Variants in RBM44 observed in about 807,000 individuals in gnomAD.
The protein encoded by RBM44 is RNA binding motif protein 44, also known as RNA-binding protein 44.
RBM44 carries 66 observed loss-of-function variants against 105.1 expected under a neutral mutation model. The observed-to-expected ratio is 0.63, with a 90% confidence interval of 0.52 to 0.77. The LOEUF (loss-of-function observed/expected upper bound fraction) is 0.77, where lower values mean the gene tolerates loss of function less well. Among genes scored for constraint, RBM44 ranks in the 30% least tolerant of loss-of-function variants. The pLI is 0.00. For missense variants in RBM44, 1,122 were observed against 1,207.8 expected (o/e 0.93, Z 1.05); for synonymous variants, 365 against 417.6 (o/e 0.87, Z 1.54).
At position 237,823,526 on chromosome 2, in the gene RBM44, CT is replaced by C; in HGVS notation, c.2295del (p.Phe765LeufsTer4). On this transcript the variant is annotated frameshift_variant, in exon 9 of 16. Coordinates refer to ENST00000316997, the MANE Select transcript of RBM44 (RefSeq NM_001080504.3). LOFTEE classifies it high-confidence loss of function. Reference sequence around the variant, plus strand: ...TTAAAAATGGTGATATAAATGCAGACTTTAGTCAACTGAAACTTGGTGATAA... The same window carrying C: ...TTAAAAATGGTGATATAAATGCAGACTTAGTCAACTGAAACTTGGTGATAA... Reference protein sequence around the residue: ...DFKNGDINADFSQLKLGDKDC... With the variant: ...DFKNGDINADXSQLKLGDKDC... The C allele has an allele frequency of 1.3e-6, 2 of 1,515,604 alleles. No homozygotes were observed. Among genetic ancestry groups the C allele is most frequent in the Non-Finnish European group, 1.8e-6 (2 of 1,113,722 alleles). 93.9% of individuals were successfully genotyped at this position (1,515,604 alleles called of 1,614,324 possible). A position where few individuals can be genotyped will look rare whatever the true frequency, so the allele number is the denominator to read the frequency against.
intron 4 of RBM44, 51 bp from the exon 5 acceptor site, chr2:237,820,124 C>G: frequency 9.6e-7 from 1 of 1,041,622 alleles, no homozygotes; most frequent in Non-Finnish European, 1.3e-6. Context: ...CATGTTATTA[C>G]TATAGAAAAA....
At chr2:237,812,087 C>G (rs1448076378) in intron 1 of RBM44, among the ~76,000 whole-genome samples, 1 of 152,120 alleles carries the variant, frequency 6.6e-6, no homozygotes, top group African/African-American at 2.4e-5. Flanking sequence ...AACTCCTGAG[C>G]TCATGCAATC....
chr2:237,835,427 A>C (rs1220006580), intron 15 of RBM44, among the ~76,000 whole-genome samples: 1 of 152,230 alleles, frequency 6.6e-6, no homozygotes, highest in Non-Finnish European at 1.5e-5. Flanking sequence ...TCAAAAGCCA[A>C]GATAGGCTGA....
chr2:237,823,921 C>A (rs1449698706), intron 9 of RBM44, among the ~76,000 whole-genome samples: 1 of 152,026 alleles, frequency 6.6e-6, no homozygotes, highest in Admixed American at 6.6e-5. Context: ...AGGGCTGCAA[C>A]GCGGCTTAAT....
chr2:237,814,323 G>A (rs1448184864), intron 2 of RBM44, among the ~76,000 whole-genome samples: 1 of 152,126 alleles, frequency 6.6e-6, no homozygotes, highest in Non-Finnish European at 1.5e-5. Context: ...AGACGATTAA[G>A]AGGGTCATTT....
Position 237,818,285 on chromosome 2 carries a change from G to A in RBM44, c.1366G>A (p.Asp456Asn), listed in dbSNP as rs752842617. 6.2e-7 allele frequency: 1 copy of A among 1,613,362 alleles called. No homozygotes were observed. Among genetic ancestry groups the A allele is most frequent in the Admixed American group, 1.7e-5 (1 of 59,886 alleles). The change falls in exon 3 of 16, where the codon GAT (aspartate) becomes AAT (asparagine). Residue 456 changes from aspartate to asparagine, a missense_variant. Asp to Asn is a conservative substitution (Grantham distance 23). Around this residue, in one of 3 missense-constraint regions of RBM44, gnomAD observed 918 missense variants for 955.3 expected, o/e 0.96. Coordinates refer to ENST00000316997, the MANE Select transcript of RBM44 (RefSeq NM_001080504.3). The surrounding 1 kb of genome is among the most constrained non-coding windows in gnomAD (Gnocchi z 4.6). ...AGAAATGTGTACTAAATCATTGACA[G>A]ATGCAGCAAGTTGTACAGTCACAAT... ...IGEMCTKSLT[D>N]AASCTVTINQ...
intron 10 of RBM44, among the ~76,000 whole-genome samples, chr2:237,827,015 A>G (rs986139023): frequency 6.6e-6 from 1 of 152,172 alleles, no homozygotes; most frequent in African/African-American, 2.4e-5. Context: ...GCTACAAGAG[A>G]CTTAACTAAC....
chr2:237,833,629 A>G (rs1559922571), intron 13 of RBM44, among the ~76,000 whole-genome samples: 1 of 152,210 alleles, frequency 6.6e-6, no homozygotes, highest in Non-Finnish European at 1.5e-5. Context: ...TTAATGAATG[A>G]ATCTCTCTCC....
At position 237,821,082 on chromosome 2, in the gene RBM44, G is replaced by C. The variant is rs1173092286; in HGVS notation, c.1925G>C (p.Ser642Thr). 1 of 1,581,106 alleles carries C rather than the reference G, an allele frequency of 6.3e-7. No individual in the cohort carries two copies. Among genetic ancestry groups the C allele is most frequent in the Non-Finnish European group, 8.5e-7 (1 of 1,171,106 alleles). The change falls in exon 6 of 16, where the codon AGT becomes ACT. Residue 642 changes from serine to threonine, a missense_variant. Transcript: ENST00000316997. ...CAACTTTTGAACAGGAATTTATCAA[G>C]TAATTCTGCTAAGAAGGAATTGGGA... ...NREGLNMNLS[S>T]NSAKKELGSA...
intron 1 of RBM44, among the ~76,000 whole-genome samples, chr2:237,812,837 T>G (rs540133625): frequency 6.6e-6 from 1 of 152,308 alleles, no homozygotes; most frequent in Admixed American, 6.5e-5. Context: ...TAGCTTGGGC[T>G]GCTTCATGTG....
At chr2:237,824,204 G>A (rs1017125421) in intron 9 of RBM44, 87 bp from the exon 10 acceptor site, 65 of 1,279,950 alleles carry the variant, frequency 5.1e-5, no homozygotes, top group Admixed American at 4.9e-4. Context: ...AGTCATCATC[G>A]TACTGATTCA....
In RBM44 at chr2:237,818,641, GAC is replaced by G; in HGVS notation, c.1677+47_1677+48del. On this transcript the variant is annotated intron_variant, in intron 3 of 15. Transcript: ENST00000316997. The surrounding 1 kb of genome is among the most constrained non-coding windows in gnomAD (Gnocchi z 4.6). The stretch of plus-strand genomic sequence containing the variant: ...TAATAAAATTTGGACTTTATAAAGA[GAC>G]AGTGTATGCTAATGTAAGTGTTTTT... 7.7e-7 allele frequency: 1 copy of G among 1,297,154 alleles called. No individual in the cohort carries two copies. The highest frequency in any genetic ancestry group is 1.0e-6 in the Non-Finnish European group (1 of 961,716). 80.4% of individuals were successfully genotyped at this position (1,297,154 alleles called of 1,614,324 possible).
At position 237,820,326 on chromosome 2, in the gene RBM44, A is replaced by T. The variant is rs747483536; in HGVS notation, c.1888A>T (p.Met630Leu). 6.3e-7 allele frequency: 1 copy of T among 1,594,170 alleles called. No homozygotes were observed. Among genetic ancestry groups the T allele is most frequent in the Non-Finnish European group, 8.5e-7 (1 of 1,169,956 alleles). The change falls in exon 5 of 16, where the codon ATG (methionine) becomes TTG (leucine). Residue 630 changes from methionine (M) to leucine (L), a missense_variant. By Grantham distance (15) the Met-to-Leu change is conservative. Transcript: ENST00000316997. ...RHCCDIYKLV[M>L]ENREGLNMNL... ...TTGTTGTGATATTTACAAACTTGTC[A>T]TGGAAAATAGGGAAGGATTAAATAT...
rs924898757 is a variant in RBM44, at chr2:237,813,607, A to G, written c.-3A>G. 1.9e-6 allele frequency: 3 copies of G among 1,592,364 alleles called. No individual in the cohort carries two copies. In the African/African-American group the frequency reaches 4.0e-5, roughly 21 times the overall value. On this transcript the variant is annotated 5_prime_UTR_variant, in exon 2 of 16. It removes an upstream start codon present in the reference 5' UTR. Coordinates refer to ENST00000316997, the MANE Select transcript of RBM44 (RefSeq NM_001080504.3). ...CCTTTTCTAGATTATATATCTTTGA[A>G]TGATGCAGGCCACTGCAGTGGTGGA...
chr2:237,833,809 A>G (rs1244180210), intron 13 of RBM44, among the ~76,000 whole-genome samples, 188 bp from the exon 14 acceptor site: 2 of 152,298 alleles, frequency 1.3e-5, no homozygotes, highest in East Asian at 3.9e-4. Context: ...TATGTTTTGT[A>G]CTACATGGCC....
chr2:237,821,927 C>G (rs539600229), intron 8 of RBM44, 100 bp downstream of exon 8: 27 of 746,128 alleles, frequency 3.6e-5, no homozygotes, highest in African/African-American at 3.0e-4. Context: ...TCTTTTCACT[C>G]AACTGGCTTA....
chr2:237,821,198 C>T lies in RBM44; in HGVS notation c.2041C>T (p.Pro681Ser). ...IHKGIPLEEL[P>S]PLSLESKLLS... ...CAAAGGCATACCACTGGAAGAGCTGCCCCCACTGTCACTAGAATCAAAATT... is the reference window on the plus strand; with the variant it reads ...CAAAGGCATACCACTGGAAGAGCTGTCCCCACTGTCACTAGAATCAAAATT... The change falls in exon 6 of 16, where the codon CCC becomes TCC. Residue 681 changes from proline to serine, a missense_variant. Physicochemically the swap from Pro to Ser is moderately conservative, Grantham distance 74. This residue lies in a region of RBM44 where 918 missense variants were observed against 955.3 expected (regional missense o/e 0.96). Transcript: ENST00000316997. 3 of 1,610,118 alleles carry T rather than the reference C, an allele frequency of 1.9e-6. No homozygotes were observed. Among genetic ancestry groups the T allele is most frequent in the Non-Finnish European group, 1.7e-6 (2 of 1,178,084 alleles).
chr2:237,834,440 C>A lies in RBM44; in HGVS notation c.*22+17C>A, dbSNP rs374407016. 3.2e-4 allele frequency: 415 copies of A among 1,314,936 alleles called. No homozygotes were observed. The Middle Eastern group carries it at 4.8e-3, about 15-fold the overall frequency. The allele number at this position is 1,314,936 out of a possible 1,614,324, so 81.5% of individuals were successfully genotyped here. A position where few individuals can be genotyped will look rare whatever the true frequency, so the allele number is the denominator to read the frequency against. On this transcript the variant is annotated intron_variant, in intron 15 of 15. Transcript: ENST00000316997. Reference sequence around the variant, plus strand: ...AATAAAGAGGTAAAGTAATCATATTCTTTTGTATTTGAATATTACTTAAAA... The same window carrying A: ...AATAAAGAGGTAAAGTAATCATATTATTTTGTATTTGAATATTACTTAAAA...
rs147275145 is a variant in RBM44, at chr2:237,816,397, A to T, written c.74-596A>T. ...CAAAGATTTATTAAATAAATTTATAAGAAAAAAGTTTCTTATTAGACCATT... is the reference window on the plus strand; with the variant it reads ...CAAAGATTTATTAAATAAATTTATATGAAAAAAGTTTCTTATTAGACCATT... On this transcript the variant is annotated intron_variant, in intron 2 of 15. Transcript: ENST00000316997. Among the ~76,000 whole-genome samples, 184 of 152,294 alleles carry T rather than the reference A, an allele frequency of 1.2e-3. 4 individuals are homozygous for T. Among genetic ancestry groups the T allele is most frequent in the African/African-American group, 4.1e-3 (170 of 41,576 alleles).
Sources: allele counts gnomAD v4.1 joint callset (sites outside exome capture counted in the v4.1 genomes callset), GRCh38; gene constraint gnomAD v4.1.1; regional missense constraint gnomAD v4.1.1; non-coding constraint Gnocchi (gnomAD v3.1); transcripts MANE v1.5; gene names NCBI Gene and HGNC (gene_info 2026-07-23, HGNC 2026-07-21).